Variants in NDUFA8 observed in about 807,000 individuals in gnomAD.
NDUFA8 encodes the protein NADH:ubiquinone oxidoreductase subunit A8, also known as NADH dehydrogenase [ubiquinone] 1 alpha subcomplex subunit 8.
NDUFA8 carries 16 observed loss-of-function variants against 20.9 expected under a neutral mutation model. The observed-to-expected ratio is 0.77, with a 90% confidence interval of 0.52 to 1.16. The LOEUF is 1.16. NDUFA8 is among the 50% of genes most tolerant of loss of function. The pLI is 0.00. For missense variants in NDUFA8, 202 were observed against 216.4 expected (o/e 0.93, Z 0.42); for synonymous variants, 70 against 76.1 (o/e 0.92, Z 0.41).
At position 122,152,394 on chromosome 9, in the gene NDUFA8, A is replaced by G. The variant is rs761232232; in HGVS notation, c.66T>C (p.Ser22=). Reference sequence around the variant, plus strand: ...GATGGGCCGCAGCTTTAAGCACAGCAGAACTAATTTTCACCTAGGAAAGGA... The same window carrying G: ...GATGGGCCGCAGCTTTAAGCACAGCGGAACTAATTTTCACCTAGGAAAGGA... The part of the protein sequence containing the change: ...ELKVDEVKIS[S]AVLKAAAHHY... The change falls in exon 2 of 4, where the codon TCT becomes TCC. Residue 22 remains serine, a synonymous_variant. Transcript: ENST00000373768. 7 of 1,614,172 alleles carry G rather than the reference A, an allele frequency of 4.3e-6. No individual in the cohort carries two copies. In the South Asian group the frequency reaches 7.7e-5, roughly 18 times the overall value.
At chr9:122,153,563 T>C (rs1829036933) in intron 1 of NDUFA8, among the ~76,000 whole-genome samples, 1 of 152,166 alleles carries the variant, frequency 6.6e-6, no homozygotes, top group Non-Finnish European at 1.5e-5. Context: ...AGTGTAGATA[T>C]AGCCAGCTCA....
chr9:122,137,635 A>G, the NDUFA8 span, among the ~76,000 whole-genome samples: 1 of 152,248 alleles, frequency 6.6e-6, no homozygotes, highest in Non-Finnish European at 1.5e-5. Context: ...TATTTAAAAC[A>G]GAAGCCCAAA....
At chr9:122,152,594 TC>T (rs1273195885) in intron 1 of NDUFA8, among the ~76,000 whole-genome samples, 186 bp from the exon 2 acceptor site, 1 of 149,888 alleles carries the variant, frequency 6.7e-6, no homozygotes, top group Non-Finnish European at 1.5e-5. Context: ...TCACTCCCAT[TC>T]CCCAGGCTGG....
chr9:122,139,798 A>G (rs2118685860), downstream of NDUFA8, among the ~76,000 whole-genome samples: 1 of 152,284 alleles, frequency 6.6e-6, no homozygotes, highest in Admixed American at 6.5e-5. Context: ...AGTTCAAATG[A>G]TTGTCATGCC....
chr9:122,142,709 G>A (rs943928568), downstream of NDUFA8, among the ~76,000 whole-genome samples: 2 of 152,146 alleles, frequency 1.3e-5, no homozygotes, highest in Non-Finnish European at 2.9e-5. Context: ...CATTGAAGGA[G>A]GTGAAACATG....
At chr9:122,136,832 G>T in the NDUFA8 span, among the ~76,000 whole-genome samples, 1 of 152,208 alleles carries the variant, frequency 6.6e-6, no homozygotes, top group African/African-American at 2.4e-5. Context: ...TGGGATTACA[G>T]GCGTGAGCCA....
chr9:122,141,269 G>A (rs1217400639), downstream of NDUFA8, among the ~76,000 whole-genome samples: 3 of 152,316 alleles, frequency 2.0e-5, no homozygotes, highest in South Asian at 2.1e-4. Flanking sequence ...GCAGCCATTC[G>A]TGAGCCCCTG....
rs193282610 is a variant in NDUFA8 at position 122,155,148 on chromosome 9, G to A, written c.52-2740C>T. Among the ~76,000 whole-genome samples the A allele has an allele frequency of 1.2e-3, 183 of 152,246 alleles. 1 individual carries two copies. The South Asian group carries it at 0.018, about 15-fold the overall frequency. ...GGCTGGAGGGCAGTGGCGCAATCTC[G>A]GCTCACCGCAACCTCTGCCTCCCAG... On this transcript the variant is annotated intron_variant, in intron 1 of 3. Transcript: ENST00000373768.
At chr9:122,157,935 C>T (rs570891329) in intron 1 of NDUFA8, among the ~76,000 whole-genome samples, 1 of 152,144 alleles carries the variant, frequency 6.6e-6, no homozygotes, top group South Asian at 2.1e-4. Flanking sequence ...AGGCAGATTA[C>T]GAGGTCAGGA....
At chr9:122,141,754 G>GA (rs1828823866), downstream of NDUFA8, among the ~76,000 whole-genome samples, 1 of 152,194 alleles carries the variant, frequency 6.6e-6, no homozygotes, top group Non-Finnish European at 1.5e-5. Flanking sequence ...TACTGAAATT[G>GA]AGACAGGCAC....
Position 122,152,376 on chromosome 9 carries a change from C to A in NDUFA8, c.84G>T (p.Ala28=), listed in dbSNP as rs117079538. The part of the protein sequence containing the change: ...VKISSAVLKA[A]AHHYGAQCDK... Reference sequence around the variant, plus strand: ...CACATTGAGCTCCATAGTGATGGGCCGCAGCTTTAAGCACAGCAGAACTAA... The same window carrying A: ...CACATTGAGCTCCATAGTGATGGGCAGCAGCTTTAAGCACAGCAGAACTAA... The change falls in exon 2 of 4, where the codon GCG becomes GCT. Residue 28 remains alanine, a synonymous_variant. Coordinates refer to ENST00000373768, the MANE Select transcript of NDUFA8 (RefSeq NM_014222.3). 6.2e-6 allele frequency: 10 copies of A among 1,613,864 alleles called. No individual in the cohort carries two copies. The highest frequency in any genetic ancestry group is 1.7e-5 in the Admixed American group (1 of 59,966).
downstream of NDUFA8, among the ~76,000 whole-genome samples, chr9:122,143,369 AT>A (rs1828848975): frequency 6.6e-6 from 1 of 152,222 alleles, no homozygotes; most frequent in African/African-American, 2.4e-5. Flanking sequence ...TGAAAAAAGA[AT>A]TGAATGAAAG....
intron 1 of NDUFA8, among the ~76,000 whole-genome samples, chr9:122,152,871 A>G (rs1829026316): frequency 6.6e-6 from 1 of 152,182 alleles, no homozygotes; most frequent in South Asian, 2.1e-4. Context: ...TTTATGGTAG[A>G]GAGAAAAGGG....
At chr9:122,138,960 T>C in the NDUFA8 span, among the ~76,000 whole-genome samples, 1 of 149,732 alleles carries the variant, frequency 6.7e-6, no homozygotes, top group African/African-American at 2.5e-5. Flanking sequence ...TAGTGGGAGA[T>C]GAAGCTGGAG....
At position 122,149,184 on chromosome 9, in the gene NDUFA8, G is replaced by A. The variant is rs1828953460; in HGVS notation, c.216-907C>T. ...CTAGCTACACTCTCACATGAATCTT[G>A]TTTAACATGGATCAGGAAGGAAGGA... On this transcript the variant is annotated intron_variant, in intron 2 of 3. Transcript: ENST00000373768. Among the ~76,000 whole-genome samples, 3 of 152,082 alleles carry A rather than the reference G, an allele frequency of 2.0e-5. No individual in the cohort carries two copies. The South Asian group carries it at 6.2e-4, about 32-fold the overall frequency.
At chr9:122,136,476 C>T in the NDUFA8 span, among the ~76,000 whole-genome samples, 4 of 152,074 alleles carry the variant, frequency 2.6e-5, no homozygotes, top group Admixed American at 2.0e-4. Flanking sequence ...ATTCTAATTG[C>T]TGTTGAGGTT....
chr9:122,142,482 C>T (rs1042751032), downstream of NDUFA8, among the ~76,000 whole-genome samples: 1 of 152,184 alleles, frequency 6.6e-6, no homozygotes, highest in Non-Finnish European at 1.5e-5. Flanking sequence ...GATTTAAAGG[C>T]CTCTCAGGTG....
rs143108192 is a variant in NDUFA8 at position 122,152,365 on chromosome 9, T to C, written c.95A>G (p.Tyr32Cys). 69 of 1,614,116 alleles carry C rather than the reference T, an allele frequency of 4.3e-5. No individual in the cohort carries two copies. The highest frequency in any genetic ancestry group is 3.9e-5 in the Non-Finnish European group (46 of 1,180,024). The change falls in exon 2 of 4, where the codon TAT (tyrosine) becomes TGT (cysteine). Residue 32 changes from tyrosine (Y) to cysteine (C), a missense_variant. Coordinates refer to ENST00000373768, the MANE Select transcript of NDUFA8 (RefSeq NM_014222.3). ...SAVLKAAAHH[Y>C]GAQCDKPNKE... ...GTTGGGCTTATCACATTGAGCTCCA[T>C]AGTGATGGGCCGCAGCTTTAAGCAC...
chr9:122,141,418 G>C (rs2118688346), downstream of NDUFA8, among the ~76,000 whole-genome samples: 1 of 152,276 alleles, frequency 6.6e-6, no homozygotes, highest in Non-Finnish European at 1.5e-5. Context: ...GTGACAGTGA[G>C]ATAAAACAGG....
Sources: allele counts gnomAD v4.1 joint callset (sites outside exome capture counted in the v4.1 genomes callset), GRCh38; gene constraint gnomAD v4.1.1; transcripts MANE v1.5; gene names NCBI Gene and HGNC (gene_info 2026-07-23, HGNC 2026-07-21).